MAPK6: variants seen among roughly 807,000 people sequenced by gnomAD.
MAPK6 encodes the protein mitogen-activated protein kinase 6.
Under a neutral mutation model 59.3 loss-of-function variants are expected in MAPK6, and 19 were observed. The observed-to-expected ratio is 0.32, with a 90% CI of 0.22 to 0.47. The LOEUF (loss-of-function observed/expected upper bound fraction) is 0.47. Ranked by LOEUF, MAPK6 falls within the 20% of genes least tolerant of loss-of-function variation. The probability of loss-of-function intolerance (pLI) is 1.00; values close to 1 mark genes in which losing one functional copy is unlikely to be tolerated. For synonymous variants in MAPK6, 316 were observed against 290.3 expected (o/e 1.09, Z -0.90); for missense variants, 724 against 847.9 (o/e 0.85, Z 1.81).
chr15:52,058,531 T>C (rs1372828700), intron 3 of MAPK6, 102 bp from the exon 4 acceptor site: 28 of 955,602 alleles, frequency 2.9e-5, no homozygotes, highest in African/African-American at 6.7e-5. Flanking sequence ...TTCAAACTTT[T>C]CCCCCCACTG....
At chr15:52,026,614 G>A (rs544843283) in intron 1 of MAPK6, among the ~76,000 whole-genome samples, 80 of 152,126 alleles carry the variant, frequency 5.3e-4, no homozygotes, top group Non-Finnish European at 9.1e-4. Flanking sequence ...CTTATGCAGT[G>A]GGAAGATTCT....
At chr15:52,061,226 T>G in intron 4 of MAPK6, 73 bp from the exon 5 acceptor site, 11 of 1,119,604 alleles carry the variant, frequency 9.8e-6, no homozygotes, top group Middle Eastern at 2.0e-4. Flanking sequence ...TTGAAATAAA[T>G]GAGATCAACA....
rs1338115313 is a variant in MAPK6, at chr15:52,013,011, AAAAAAAAAAATATATATATATATAT to A, written c.-632+8611_-632+8635del. 1.4e-4 allele frequency among the ~76,000 whole-genome samples: 4 copies of A among 29,376 alleles called. No individual in the cohort carries two copies. The South Asian group carries it at 4.0e-3, about 29-fold the overall frequency. The allele number at this position is 29,376 out of a possible 152,430, so 19.3% of individuals were successfully genotyped here. On this transcript the variant is annotated intron_variant, in intron 3 of 7. Transcript: ENST00000691380. ...GGAAAAAAAAAAAAAAAAAAAAAAA[AAAAAAAAAAATATATATATATATAT>A]ATATATATATATATATATATATATT... is the stretch of plus-strand genomic sequence containing the variant.
At position 52,064,465 on chromosome 15, in the gene MAPK6, C is replaced by T. The variant is rs1418710403; in HGVS notation, c.1631C>T (p.Thr544Ile). 6.2e-7 allele frequency: 1 copy of T among 1,608,704 alleles called. No individual in the cohort carries two copies. Among genetic ancestry groups the T allele is most frequent in the Non-Finnish European group, 8.5e-7 (1 of 1,178,274 alleles). Residue 544 changes from threonine to isoleucine, a missense_variant, in exon 6 of 6, where the codon ACT (threonine) becomes ATT (isoleucine). Transcript: ENST00000261845. ...TIQLSSQHEP[T>I]DVVDKLNDLN... ...CAGCTTAGTTCCCAGCATGAGCCTA[C>T]TGATGTTGTTGATAAATTAAATGAC...
intron 1 of MAPK6, among the ~76,000 whole-genome samples, chr15:52,023,775 C>A (rs1210191905): frequency 6.6e-6 from 1 of 152,164 alleles, no homozygotes; most frequent in African/African-American, 2.4e-5. Context: ...CCATGACCAG[C>A]TAATTTTTGT....
intron 1 of MAPK6, chr15:52,019,892 C>T (rs924582857): frequency 6.5e-6 from 1 of 152,960 alleles, no homozygotes; most frequent in Non-Finnish European, 1.5e-5. Flanking sequence ...GCTCCCGCGT[C>T]TCCTCCCCCA....
chr15:52,024,353 G>T (rs939644271), intron 1 of MAPK6, among the ~76,000 whole-genome samples: 1 of 151,680 alleles, frequency 6.6e-6, no homozygotes, highest in Non-Finnish European at 1.5e-5. Flanking sequence ...CTTCATCTCA[G>T]TCCTACGGTC....
Position 52,064,772 on chromosome 15 carries a change from A to C in MAPK6, c.1938A>C (p.Pro646=), listed in dbSNP as rs1345196751. 5.6e-6 allele frequency: 9 copies of C among 1,611,800 alleles called. No homozygotes were observed. The highest frequency in any genetic ancestry group is 7.6e-6 in the Non-Finnish European group (9 of 1,179,770). The change falls in exon 6 of 6, where the codon CCA becomes CCC. Residue 646 remains proline, a synonymous_variant. Transcript: ENST00000261845. The part of the protein sequence containing the change: ...KEDTEMLETE[P]VEDGKLGERG... ...ATACTGAAATGCTAGAAACTGAGCCAGTAGAGGATGGGAAGCTTGGGGAGA... is the reference window on the plus strand; with the variant it reads ...ATACTGAAATGCTAGAAACTGAGCCCGTAGAGGATGGGAAGCTTGGGGAGA...
At chr15:52,055,202 G>A (rs1048906712) in intron 3 of MAPK6, among the ~76,000 whole-genome samples, 3 of 152,216 alleles carry the variant, frequency 2.0e-5, no homozygotes, top group African/African-American at 7.2e-5. Flanking sequence ...GAGCCCAGGA[G>A]TTAGAGACCA....
chr15:51,980,831 G>C (rs1316685765), intron 1 of MAPK6, among the ~76,000 whole-genome samples: 3 of 151,082 alleles, frequency 2.0e-5, no homozygotes, highest in Non-Finnish European at 4.4e-5. Context: ...ACCTCAGGTG[G>C]TCCGCCCACC....
intron 1 of MAPK6, among the ~76,000 whole-genome samples, chr15:52,037,983 G>A (rs556435617): frequency 6.6e-6 from 1 of 152,160 alleles, no homozygotes; most frequent in African/African-American, 2.4e-5. Context: ...AAAATGAAGA[G>A]TAGAGGTTCT....
intron 3 of MAPK6, among the ~76,000 whole-genome samples, chr15:52,012,984 C>T (rs1379484542): frequency 2.1e-5 from 1 of 46,828 alleles, no homozygotes; most frequent in Non-Finnish European, 3.9e-5. Flanking sequence ...GAGACTCCGC[C>T]TGGAAAAAAA....
chr15:51,999,531 T>C (rs1225878971), intron 2 of MAPK6, among the ~76,000 whole-genome samples: 1 of 152,210 alleles, frequency 6.6e-6, no homozygotes, highest in Non-Finnish European at 1.5e-5. Context: ...GCTAGTAGAC[T>C]CTTATCAGAT....
At chr15:51,981,027 C>T (rs142982043) in intron 1 of MAPK6, among the ~76,000 whole-genome samples, 2 of 151,920 alleles carry the variant, frequency 1.3e-5, no homozygotes, top group African/African-American at 2.4e-5. Flanking sequence ...TTTCCTGAAC[C>T]TCTTTCCTCC....
At chr15:52,023,124 AAAAAC>A (rs1489250145) in intron 1 of MAPK6, among the ~76,000 whole-genome samples, 1 of 151,322 alleles carries the variant, frequency 6.6e-6, no homozygotes, top group African/African-American at 2.4e-5. Flanking sequence ...AAAAAAAAAA[AAAAAC>A]CGAAAAACAA....
At chr15:52,063,654 G>A (rs891688998) in intron 5 of MAPK6, among the ~76,000 whole-genome samples, 6 of 152,098 alleles carry the variant, frequency 3.9e-5, no homozygotes, top group Non-Finnish European at 8.8e-5. Context: ...GAAGTCTTTT[G>A]TTTGCATGGA....
intron 4 of MAPK6, among the ~76,000 whole-genome samples, chr15:52,060,253 T>A (rs2032148600): frequency 6.6e-6 from 1 of 152,080 alleles, no homozygotes; most frequent in Admixed American, 6.5e-5. Context: ...ATTATCTTTC[T>A]AAAGAAAAGA....
At chr15:52,031,554 G>C (rs1023818002) in intron 1 of MAPK6, among the ~76,000 whole-genome samples, 3 of 152,158 alleles carry the variant, frequency 2.0e-5, no homozygotes, top group Non-Finnish European at 2.9e-5. Context: ...ATGTTGACCA[G>C]GCGTGGTGGC....
intron 1 of MAPK6, among the ~76,000 whole-genome samples, chr15:51,978,751 C>G (rs776558599): frequency 6.6e-6 from 1 of 151,668 alleles, no homozygotes; most frequent in Non-Finnish European, 1.5e-5. Context: ...GGATTGTGGA[C>G]TAGAACTAAC....
Sources: allele counts gnomAD v4.1 joint callset (sites outside exome capture counted in the v4.1 genomes callset), GRCh38; gene constraint gnomAD v4.1.1; transcripts MANE v1.5; gene names NCBI Gene and HGNC (gene_info 2026-07-23, HGNC 2026-07-21).